The following WNT7B variants were observed in gnomAD, a reference collection of about 807,000 sequenced individuals.
WNT7B encodes protein Wnt-7b.
In WNT7B, 19 loss-of-function variants were observed where a neutral mutation model predicts 38.2. That is an observed-to-expected ratio of 0.50 (90% CI 0.35 to 0.73). The LOEUF is 0.73. Ranked by LOEUF, WNT7B falls within the 30% of genes least tolerant of loss-of-function variation. The pLI is 0.01. For synonymous variants in WNT7B, 243 were observed against 209.3 expected (o/e 1.16, Z -1.39); for missense variants, 423 against 507.9 (o/e 0.83, Z 1.61).
Position 45,922,279 on chromosome 22 carries a change from T to G in WNT7B, c.*577A>C, listed in dbSNP as rs9330785. On this transcript the variant is annotated 3_prime_UTR_variant, in exon 4 of 4. Coordinates refer to ENST00000339464, the MANE Select transcript of WNT7B (RefSeq NM_058238.3). Reference sequence around the variant, plus strand: ...GCCGGGAAAGGAAACAGAGGGTGTCTAGGGGATGGGCTGACACAGAGTACG... The same window carrying G: ...GCCGGGAAAGGAAACAGAGGGTGTCGAGGGGATGGGCTGACACAGAGTACG... 0.42 allele frequency: 64,643 copies of G among 152,648 alleles called. 15,403 individuals carry two copies. Among genetic ancestry groups the G allele is most frequent in the African/African-American group, 0.65 (26,976 of 41,476 alleles). The allele number at this position is 152,648 out of a possible 1,614,324, so 9.5% of individuals were successfully genotyped here.
In WNT7B at chr22:45,921,180, A is replaced by G. The variant is rs1930918475; in HGVS notation, c.*1676T>C. ...GTGCACCAGGAGCCAGCTGCAGACC[A>G]TCCTCTCTGGCCTCGGACAAGTTCC... On this transcript the variant is annotated 3_prime_UTR_variant, in exon 4 of 4. Coordinates refer to ENST00000339464, the MANE Select transcript of WNT7B (RefSeq NM_058238.3). The G allele has an allele frequency of 6.6e-6, 1 of 152,478 alleles. No homozygotes were observed. The highest frequency in any genetic ancestry group is 6.5e-5 in the Admixed American group (1 of 15,278). 9.4% of individuals were successfully genotyped at this position (152,478 alleles called of 1,614,324 possible).
At chr22:45,952,454 T>C (rs1931955703) in intron 1 of WNT7B, among the ~76,000 whole-genome samples, 1 of 151,922 alleles carries the variant, frequency 6.6e-6, no homozygotes, top group African/African-American at 2.4e-5. Flanking sequence ...GAAGAGCATC[T>C]GGATGGGTGG....
At chr22:45,955,218 G>A (rs530806828) in intron 1 of WNT7B, among the ~76,000 whole-genome samples, 18 of 152,304 alleles carry the variant, frequency 1.2e-4, no homozygotes, top group Non-Finnish European at 2.5e-4. Context: ...TCCCCGAGCC[G>A]GCCTGGCCCT....
At chr22:45,945,479 A>G (rs1931772329) in intron 2 of WNT7B, among the ~76,000 whole-genome samples, 1 of 152,204 alleles carries the variant, frequency 6.6e-6, no homozygotes, top group Non-Finnish European at 1.5e-5. Context: ...GAGATACTGT[A>G]TTTGCTTTGG....
In WNT7B at chr22:45,966,584, G is replaced by A. The variant is rs1932317391; in HGVS notation, c.71+10100C>T. 6.6e-6 allele frequency among the ~76,000 whole-genome samples: 1 copy of A among 152,204 alleles called. No homozygotes were observed. Among genetic ancestry groups the A allele is most frequent in the African/African-American group, 2.4e-5 (1 of 41,436 alleles). The stretch of plus-strand genomic sequence containing the variant: ...TGACACCCGGCAAGCTGCTCGTCGG[G>A]TGCGGTGGCTTCCTCCCAGGCCCAG... On this transcript the variant is annotated intron_variant, in intron 1 of 3. Coordinates refer to ENST00000339464, the MANE Select transcript of WNT7B (RefSeq NM_058238.3). The surrounding 1 kb of genome is among the most constrained non-coding windows in gnomAD (Gnocchi z 4.2).
At chr22:45,931,836 G>A (rs775441618) in intron 2 of WNT7B, among the ~76,000 whole-genome samples, 61 of 152,192 alleles carry the variant, frequency 4.0e-4, no homozygotes, top group Admixed American at 7.2e-4. Flanking sequence ...ACTGACCCCC[G>A]TGGGGACCAG....
At position 45,976,929 on chromosome 22, in the gene WNT7B, G is replaced by A; in HGVS notation, c.-175C>T. ...GCGCGCTGCCACCATGGTGAGCCCG[G>A]GATGCCGCCGCCGCCACCGCCGCGT... On this transcript the variant is annotated 5_prime_UTR_variant, in exon 1 of 4. Transcript: ENST00000339464. This position sits in a 1 kb window ranked among gnomAD's most constrained non-coding sequence, Gnocchi z 8.5. The A allele has an allele frequency of 1.0e-6, 1 of 990,320 alleles. No individual in the cohort carries two copies. Among genetic ancestry groups the A allele is most frequent in the Non-Finnish European group, 1.2e-6 (1 of 833,694 alleles). 61.3% of individuals were successfully genotyped at this position (990,320 alleles called of 1,614,324 possible).
intron 2 of WNT7B, among the ~76,000 whole-genome samples, chr22:45,948,889 G>T (rs2067261103): frequency 7.7e-6 from 1 of 129,410 alleles, no homozygotes; most frequent in African/African-American, 2.9e-5. Context: ...CTTTTACGCA[G>T]ACTGGAGTAC....
Position 45,970,300 on chromosome 22 carries a change from T to C in WNT7B, c.71+6384A>G, listed in dbSNP as rs138079070. On this transcript the variant is annotated intron_variant, in intron 1 of 3. Coordinates refer to ENST00000339464, the MANE Select transcript of WNT7B (RefSeq NM_058238.3). ...CCCAGGGATGCCTGGAAAAACTGTT[T>C]CCTTAGGAGAATTTCTGCCAACACA... is the stretch of plus-strand genomic sequence containing the variant. Among the ~76,000 whole-genome samples, 54 of 152,290 alleles carry C rather than the reference T, an allele frequency of 3.5e-4. No individual in the cohort carries two copies. The East Asian group carries it at 9.1e-3, about 26-fold the overall frequency.
chr22:45,932,644 C>A (rs577250298), intron 2 of WNT7B, among the ~76,000 whole-genome samples: 1 of 152,352 alleles, frequency 6.6e-6, no homozygotes, highest in Non-Finnish European at 1.5e-5. Context: ...CCCTCTCAAC[C>A]TGCCCCTGGC....
In WNT7B at chr22:45,972,468, A is replaced by G. The variant is rs1932469350; in HGVS notation, c.71+4216T>C. The G allele has an allele frequency of 2.0e-5, 4 of 200,948 alleles. No homozygotes were observed. The Admixed American group carries it at 2.4e-4, about 12-fold the overall frequency. 12.4% of individuals were successfully genotyped at this position (200,948 alleles called of 1,614,324 possible). On this transcript the variant is annotated intron_variant, in intron 1 of 3. Coordinates refer to ENST00000339464, the MANE Select transcript of WNT7B (RefSeq NM_058238.3). ...GCTGGGGCTGGAGTGCGGGGCGGGG[A>G]CCCGGCCGGGGGCAGCGGGCGCGCC...
At position 45,976,904 on chromosome 22, in the gene WNT7B, G is replaced by A. The variant is rs1932564405; in HGVS notation, c.-150C>T. ...GGCCGGCGACGCGCGGGCACTCGGCGCGCGCTGCCACCATGGTGAGCCCGG... is the reference window on the plus strand; with the variant it reads ...GGCCGGCGACGCGCGGGCACTCGGCACGCGCTGCCACCATGGTGAGCCCGG... On this transcript the variant is annotated 5_prime_UTR_variant, in exon 1 of 4. Coordinates refer to ENST00000339464, the MANE Select transcript of WNT7B (RefSeq NM_058238.3). The surrounding 1 kb of genome is among the most constrained non-coding windows in gnomAD (Gnocchi z 8.5). The A allele has an allele frequency of 3.0e-6, 3 of 995,368 alleles. No individual in the cohort carries two copies. Among genetic ancestry groups the A allele is most frequent in the African/African-American group, 3.5e-5 (2 of 57,040 alleles). 61.7% of individuals were successfully genotyped at this position (995,368 alleles called of 1,614,324 possible). A position where few individuals can be genotyped will look rare whatever the true frequency, so the allele number is the denominator to read the frequency against.
At chr22:45,928,589 C>A (rs1039594525) in intron 3 of WNT7B, among the ~76,000 whole-genome samples, 1 of 149,322 alleles carries the variant, frequency 6.7e-6, no homozygotes, top group African/African-American at 2.5e-5. Context: ...GTCTCCTGCC[C>A]ACCCGTGGGG....
intron 2 of WNT7B, among the ~76,000 whole-genome samples, chr22:45,941,235 C>T (rs1243606036): frequency 2.0e-5 from 3 of 152,044 alleles, no homozygotes; most frequent in South Asian, 2.1e-4. Context: ...AAGGGCCGGG[C>T]GCGGTGGCTC....
chr22:45,971,204 C>T (rs905489862), intron 1 of WNT7B, among the ~76,000 whole-genome samples: 4 of 138,230 alleles, frequency 2.9e-5, no homozygotes, highest in East Asian at 2.1e-4. Flanking sequence ...CCTCTGGCCG[C>T]GTCAGGCGAC....
intron 3 of WNT7B, among the ~76,000 whole-genome samples, chr22:45,930,658 C>G (rs1346980833): frequency 2.0e-5 from 3 of 152,238 alleles, no homozygotes; most frequent in African/African-American, 7.2e-5. Flanking sequence ...GCTGCTCCTG[C>G]CTCCTGGGGG....
At chr22:45,931,854 T>G (rs1480042164) in intron 2 of WNT7B, among the ~76,000 whole-genome samples, 1 of 152,072 alleles carries the variant, frequency 6.6e-6, no homozygotes, top group Admixed American at 6.5e-5. Context: ...CAGGCATGCA[T>G]GGCTGATGGA....
intron 3 of WNT7B, chr22:45,926,572 G>A (rs557401657): frequency 2.4e-5 from 24 of 985,396 alleles, no homozygotes; most frequent in African/African-American, 1.9e-4. Flanking sequence ...CCTGGCGTCC[G>A]ATATTCCGGC....
chr22:45,960,856 TA>T (rs1014578814), intron 1 of WNT7B, among the ~76,000 whole-genome samples: 4 of 152,154 alleles, frequency 2.6e-5, no homozygotes, highest in African/African-American at 9.7e-5. Context: ...TCCATCCATA[TA>T]GGGGCTCTTC....
Sources: allele counts gnomAD v4.1 joint callset (sites outside exome capture counted in the v4.1 genomes callset), GRCh38; gene constraint gnomAD v4.1.1; non-coding constraint Gnocchi (gnomAD v3.1); transcripts MANE v1.5; gene names NCBI Gene and HGNC (gene_info 2026-07-23, HGNC 2026-07-21).